Variants in FCHSD2 observed in about 807,000 individuals in gnomAD.
FCHSD2 encodes the protein FCH and double SH3 domains 2, also known as F-BAR and double SH3 domains protein 2.
FCHSD2 carries 38 observed loss-of-function variants against 108.1 expected under a neutral mutation model. That is an observed-to-expected ratio of 0.35 (90% CI 0.27 to 0.46). FCHSD2 has a LOEUF of 0.46. FCHSD2 is among the 20% of genes least tolerant of loss of function. The pLI is 1.00. For synonymous variants in FCHSD2, 279 were observed against 314.7 expected (o/e 0.89, Z 1.20); for missense variants, 751 against 897.8 (o/e 0.84, Z 2.09).
chr11:73,012,079 C>T (rs113420418), intron 4 of FCHSD2, among the ~76,000 whole-genome samples: 65 of 152,270 alleles, frequency 4.3e-4, no homozygotes, highest in Middle Eastern at 3.4e-3. Context: ...TATGTTCATA[C>T]AGAACTTATT....
chr11:73,104,074 T>C (rs935241773), intron 2 of FCHSD2, among the ~76,000 whole-genome samples: 6 of 152,248 alleles, frequency 3.9e-5, no homozygotes, highest in Non-Finnish European at 7.3e-5. Context: ...CCATCCCCAT[T>C]GTGCACAGAA....
intron 8 of FCHSD2, among the ~76,000 whole-genome samples, chr11:72,964,951 G>A (rs1410704767): frequency 4.0e-5 from 6 of 151,854 alleles, no homozygotes; most frequent in Non-Finnish European, 5.9e-5. Flanking sequence ...CACCACACCC[G>A]GCTAATTTTT....
At position 73,025,265 on chromosome 11, in the gene FCHSD2, A is replaced by T. The variant is rs535472673; in HGVS notation, c.166-9380T>A. On this transcript the variant is annotated intron_variant, in intron 3 of 19. Transcript: ENST00000409418. ...AACGCCCATCAGTGATAGACTGGAT[A>T]AAGAAAATGTGGTATATATATACCA... Among the ~76,000 whole-genome samples, 4 of 152,020 alleles carry T rather than the reference A, an allele frequency of 2.6e-5. No individual in the cohort carries two copies. In the South Asian group the frequency reaches 8.3e-4, roughly 31 times the overall value.
intron 19 of FCHSD2, among the ~76,000 whole-genome samples, chr11:72,839,605 A>G (rs1384538513): frequency 2.0e-5 from 3 of 152,158 alleles, no homozygotes; most frequent in African/African-American, 7.2e-5. Flanking sequence ...AGGCAGGGGC[A>G]GGAGGTATTA....
chr11:72,990,968 G>A (rs1017008362), intron 5 of FCHSD2, among the ~76,000 whole-genome samples: 1 of 152,004 alleles, frequency 6.6e-6, no homozygotes, highest in African/African-American at 2.4e-5. Flanking sequence ...CTACTAGCAA[G>A]ACTAATAAAG....
chr11:73,045,069 C>CAAA (rs796407149), intron 3 of FCHSD2, among the ~76,000 whole-genome samples: 1 of 99,672 alleles, frequency 1.0e-5, no homozygotes, highest in African/African-American at 3.8e-5. Context: ...GACTCCATCT[C>CAAA]AAAAAAAAAA....
In FCHSD2 at chr11:73,035,197, T is replaced by C. The variant is rs1251261404; in HGVS notation, c.166-19312A>G. On this transcript the variant is annotated intron_variant, in intron 3 of 19. Coordinates refer to ENST00000409418, the MANE Select transcript of FCHSD2 (RefSeq NM_014824.3). ...ATGTATGTATGTATGTATGTATGTA[T>C]GTATGTACGTACTAAGACAAGGTCT... 2.9e-3 allele frequency among the ~76,000 whole-genome samples: 433 copies of C among 147,830 alleles called. 1 individual carries two copies. The highest frequency in any genetic ancestry group is 0.01 in the African/African-American group (415 of 39,668).
intron 9 of FCHSD2, among the ~76,000 whole-genome samples, chr11:72,920,020 A>G (rs1855948610): frequency 6.6e-6 from 1 of 152,132 alleles, no homozygotes; most frequent in Admixed American, 6.5e-5. Context: ...AAAGCTTTAA[A>G]CAAATTTACT....
chr11:73,033,338 C>T (rs1488815141), intron 3 of FCHSD2, among the ~76,000 whole-genome samples: 16 of 151,138 alleles, frequency 1.1e-4, no homozygotes, highest in Non-Finnish European at 1.5e-5. Context: ...CCATAGGAGG[C>T]TACCACTCTA....
intron 3 of FCHSD2, among the ~76,000 whole-genome samples, chr11:73,076,382 T>C (rs992577374): frequency 3.3e-5 from 5 of 152,168 alleles, no homozygotes; most frequent in African/African-American, 1.2e-4. Flanking sequence ...AAATTAATGA[T>C]GCATAGTAAA....
intron 2 of FCHSD2, among the ~76,000 whole-genome samples, chr11:73,100,746 T>C (rs1210165702): frequency 6.6e-6 from 1 of 152,156 alleles, no homozygotes; most frequent in African/African-American, 2.4e-5. Context: ...GCAGCTTGGA[T>C]GTGGTAATGT....
At chr11:73,051,312 C>T (rs1407917417) in intron 3 of FCHSD2, among the ~76,000 whole-genome samples, 1 of 151,760 alleles carries the variant, frequency 6.6e-6, no homozygotes, top group Non-Finnish European at 1.5e-5. Context: ...AAGACTCTAG[C>T]TCTAAAAAAT....
chr11:72,836,877 A>G lies in FCHSD2; in HGVS notation c.*1914T>C, dbSNP rs1043519662. ...CCTGTGCACTGTGGTGCTGGATTCC[A>G]TATCCTGGATGGAGGGGTTATTTTT... On this transcript the variant is annotated 3_prime_UTR_variant, in exon 20 of 20. Coordinates refer to ENST00000409418, the MANE Select transcript of FCHSD2 (RefSeq NM_014824.3). 2 of 152,610 alleles carry G rather than the reference A, an allele frequency of 1.3e-5. No homozygotes were observed. The highest frequency in any genetic ancestry group is 4.8e-5 in the African/African-American group (2 of 41,436). The allele number at this position is 152,610 out of a possible 1,614,324, so 9.5% of individuals were successfully genotyped here.
chr11:72,922,066 A>G (rs1222469320), intron 8 of FCHSD2, 116 bp from the exon 9 acceptor site: 1 of 649,238 alleles, frequency 1.5e-6, no homozygotes, highest in African/African-American at 1.8e-5. Context: ...TTAATAATAA[A>G]TGGACAAAAG....
rs543596845 is a variant in FCHSD2 at position 72,849,875 on chromosome 11, G to A, written c.1323C>T (p.Thr441=). ...CAAACTCTTCGCCTTCTTCTCTTTC[G>A]GTATCTGCATTAAGCTAAGAAAAAT... ...NGTLHSLNAD[T]EREEGEEFED... The change falls in exon 14 of 20, where the codon ACC becomes ACT. Residue 441 remains threonine (T), a synonymous_variant. Coordinates refer to ENST00000409418, the MANE Select transcript of FCHSD2 (RefSeq NM_014824.3). 25 of 1,613,306 alleles carry A rather than the reference G, an allele frequency of 1.5e-5. 1 individual carries two copies. Among genetic ancestry groups the A allele is most frequent in the South Asian group, 1.5e-4 (14 of 91,038 alleles).
intron 9 of FCHSD2, among the ~76,000 whole-genome samples, chr11:72,921,050 T>C (rs1460304067): frequency 6.6e-6 from 1 of 151,736 alleles, no homozygotes; most frequent in Non-Finnish European, 1.5e-5. Context: ...CTAAAAGTAT[T>C]AGCCAGTTCT....
chr11:72,964,208 C>G (rs1424014554), intron 8 of FCHSD2, among the ~76,000 whole-genome samples: 1 of 152,080 alleles, frequency 6.6e-6, no homozygotes, highest in Non-Finnish European at 1.5e-5. Flanking sequence ...ACAAATATAT[C>G]CTGACTATAA....
intron 8 of FCHSD2, among the ~76,000 whole-genome samples, chr11:72,946,889 A>G (rs889327959): frequency 6.6e-6 from 1 of 152,210 alleles, no homozygotes; most frequent in Non-Finnish European, 1.5e-5. Flanking sequence ...ACTACTCACA[A>G]GGATGTAGGA....
intron 8 of FCHSD2, among the ~76,000 whole-genome samples, chr11:72,928,174 T>C (rs1856116190): frequency 6.6e-6 from 1 of 152,150 alleles, no homozygotes; most frequent in Non-Finnish European, 1.5e-5. Context: ...CCTTTTTTTT[T>C]TCCTTCAGTG....
Sources: allele counts gnomAD v4.1 joint callset (sites outside exome capture counted in the v4.1 genomes callset), GRCh38; gene constraint gnomAD v4.1.1; transcripts MANE v1.5; gene names NCBI Gene and HGNC (gene_info 2026-07-23, HGNC 2026-07-21).